The following PIWIL2 variants were observed in gnomAD, a reference collection of about 807,000 sequenced individuals.
PIWIL2 encodes the protein piwi-like protein 2.
A neutral mutation model predicts 116.5 loss-of-function variants in PIWIL2; 81 were observed. The ratio of observed to expected loss-of-function variants is 0.70; its 90% CI spans 0.58 to 0.84. The LOEUF (loss-of-function observed/expected upper bound fraction) is 0.84. PIWIL2 is among the 40% of genes least tolerant of loss of function. PIWIL2 has a pLI of 0.00. For missense variants in PIWIL2, 1,272 were observed against 1,212.3 expected (o/e 1.05, Z -0.73); for synonymous variants, 489 against 429.5 (o/e 1.14, Z -1.71).
chr8:22,306,263 G>A (rs532097641), intron 13 of PIWIL2, among the ~76,000 whole-genome samples: 15 of 152,008 alleles, frequency 9.9e-5, no homozygotes, highest in African/African-American at 3.6e-4. Context: ...AGAGGGACTG[G>A]ATTATAAAAT....
intron 10 of PIWIL2, 51 bp from the exon 11 acceptor site, chr8:22,303,970 A>T: frequency 8.4e-7 from 1 of 1,192,804 alleles, no homozygotes; most frequent in East Asian, 2.4e-5. Flanking sequence ...TCCCTTTCAT[A>T]CTGTTCTGGA....
rs1349218667 is a variant in PIWIL2 at position 22,281,478 on chromosome 8, G to T, written c.388G>T (p.Asp130Tyr). 1.9e-6 allele frequency: 3 copies of T among 1,598,834 alleles called. No homozygotes were observed. The African/African-American group carries it at 4.1e-5, about 22-fold the overall frequency. ...FWDPKVLAAG[D>Y]SKMAETSVGW... ...GGATCCAAAAGTGTTGGCGGCTGGGGACAGCAAGATGGCAGAGACCTCCGT... is the reference window on the plus strand; with the variant it reads ...GGATCCAAAAGTGTTGGCGGCTGGGTACAGCAAGATGGCAGAGACCTCCGT... Residue 130 changes from aspartate to tyrosine, a missense_variant, in exon 4 of 23, where the codon GAC (aspartate) becomes TAC (tyrosine). By Grantham distance (160) the Asp-to-Tyr change is radical (BLOSUM62 -3). Transcript: ENST00000356766.
chr8:22,319,564 G>C (rs1831546398), intron 20 of PIWIL2, among the ~76,000 whole-genome samples: 1 of 152,146 alleles, frequency 6.6e-6, no homozygotes, highest in South Asian at 2.1e-4. Flanking sequence ...TTGAACACTG[G>C]TTGTGGATGG....
In PIWIL2 at chr8:22,355,634, A is replaced by G. The variant is rs769406552; in HGVS notation, c.*129A>G. 3.8e-5 allele frequency: 30 copies of G among 780,730 alleles called. No individual in the cohort carries two copies. Among genetic ancestry groups the G allele is most frequent in the Middle Eastern group, 3.8e-4 (1 of 2,616 alleles). The allele number at this position is 780,730 out of a possible 1,614,324, so 48.4% of individuals were successfully genotyped here. A position where few individuals can be genotyped will look rare whatever the true frequency, so the allele number is the denominator to read the frequency against. On this transcript the variant is annotated 3_prime_UTR_variant, in exon 23 of 23. Transcript: ENST00000356766. ...TTTTCCCTTTCTCCAACCCTGTAGAATAAGATTTCTTTCTTGTCTTTTAAA... is the reference window on the plus strand; with the variant it reads ...TTTTCCCTTTCTCCAACCCTGTAGAGTAAGATTTCTTTCTTGTCTTTTAAA...
At position 22,279,423 on chromosome 8, in the gene PIWIL2, C is replaced by G. The variant is rs748407936; in HGVS notation, c.37C>G (p.Pro13Ala). ...PFRPSFRGQS[P>A]IHPSQCQAVR... ...CCGACCATCGTTCAGGGGCCAGTCT[C>G]CTATCCACCCATCCCAGTGCCAGGC... The change falls in exon 2 of 23, where the codon CCT becomes GCT. Residue 13 changes from proline (P) to alanine (A), a missense_variant. Coordinates refer to ENST00000356766, the MANE Select transcript of PIWIL2 (RefSeq NM_018068.5). 6.2e-7 allele frequency: 1 copy of G among 1,614,168 alleles called. No homozygotes were observed. Among genetic ancestry groups the G allele is most frequent in the Non-Finnish European group, 8.5e-7 (1 of 1,180,020 alleles).
chr8:22,327,628 A>G (rs530098934), intron 20 of PIWIL2, among the ~76,000 whole-genome samples: 3 of 152,254 alleles, frequency 2.0e-5, no homozygotes, highest in African/African-American at 7.2e-5. Context: ...TGGCCTCCCA[A>G]AGTGCTGGGA....
chr8:22,353,327 G>T lies in PIWIL2; in HGVS notation c.2657+115G>T. 1.2e-5 allele frequency: 11 copies of T among 908,314 alleles called. No individual in the cohort carries two copies. The South Asian group carries it at 1.9e-4, about 16-fold the overall frequency. 56.3% of individuals were successfully genotyped at this position (908,314 alleles called of 1,614,324 possible). On this transcript the variant is annotated intron_variant, in intron 21 of 22. Coordinates refer to ENST00000356766, the MANE Select transcript of PIWIL2 (RefSeq NM_018068.5). ...GAGTTGTGGACTAGAATCTCAGAGA[G>T]GCTACCGTTAAAAGAATGAAGGTTT...
intron 8 of PIWIL2, among the ~76,000 whole-genome samples, chr8:22,289,145 CTTTTT>C (rs1263159507): frequency 6.8e-6 from 1 of 146,378 alleles, no homozygotes; most frequent in Non-Finnish European, 1.5e-5. Flanking sequence ...CTTTTCTTTT[CTTTTT>C]TCTTTTTTTT....
chr8:22,318,014 G>A (rs1831505098), intron 19 of PIWIL2, among the ~76,000 whole-genome samples, 156 bp from the exon 20 acceptor site: 1 of 152,098 alleles, frequency 6.6e-6, no homozygotes, highest in Non-Finnish European at 1.5e-5. Context: ...TTTTCTCCAT[G>A]TCACTGCTTG....
chr8:22,294,537 AG>A (rs916059769), intron 10 of PIWIL2, among the ~76,000 whole-genome samples: 3 of 144,888 alleles, frequency 2.1e-5, no homozygotes, highest in African/African-American at 7.6e-5. Context: ...GCTACTCAGG[AG>A]GATGAGGCAG....
At chr8:22,295,087 A>G (rs974020024) in intron 10 of PIWIL2, among the ~76,000 whole-genome samples, 3 of 151,914 alleles carry the variant, frequency 2.0e-5, no homozygotes, top group African/African-American at 4.8e-5. Context: ...TGGGGGAAAA[A>G]AAAAATATTT....
intron 11 of PIWIL2, 39 bp from the exon 12 acceptor site, chr8:22,304,745 C>G (rs1476553509): frequency 8.4e-7 from 1 of 1,184,276 alleles, no homozygotes; most frequent in Non-Finnish European, 1.3e-6. Flanking sequence ...AGTATTGATG[C>G]TGCTTCTGAA....
chr8:22,336,791 G>A (rs999181486), intron 20 of PIWIL2, among the ~76,000 whole-genome samples: 15 of 152,058 alleles, frequency 9.9e-5, no homozygotes, highest in African/African-American at 3.6e-4. Context: ...ATGGAGACTA[G>A]AAAAACAATA....
chr8:22,319,763 C>T (rs1342893807), intron 20 of PIWIL2, among the ~76,000 whole-genome samples: 1 of 152,152 alleles, frequency 6.6e-6, no homozygotes, highest in African/African-American at 2.4e-5. Flanking sequence ...GAATGTTCCA[C>T]AAGACAGAGT....
Position 22,357,378 on chromosome 8 carries a change from G to A in PIWIL2, c.*1873G>A, listed in dbSNP as rs577506856. ...CAGTTTTCTGATTTTCCTTGGAAGCGTTTTGAATTTTTCTGTTGAAGTTGG... is the reference window on the plus strand; with the variant it reads ...CAGTTTTCTGATTTTCCTTGGAAGCATTTTGAATTTTTCTGTTGAAGTTGG... On this transcript the variant is annotated 3_prime_UTR_variant, in exon 23 of 23. Coordinates refer to ENST00000356766, the MANE Select transcript of PIWIL2 (RefSeq NM_018068.5). 2.6e-5 allele frequency: 4 copies of A among 152,224 alleles called. No homozygotes were observed. Among genetic ancestry groups the A allele is most frequent in the East Asian group, 3.9e-4 (2 of 5,180 alleles). The allele number at this position is 152,224 out of a possible 1,614,324, so 9.4% of individuals were successfully genotyped here.
At position 22,279,446 on chromosome 8, in the gene PIWIL2, G is replaced by C. The variant is rs760242997; in HGVS notation, c.60G>C (p.Gln20His). Residue 20 changes from glutamine to histidine, a missense_variant, in exon 2 of 23, where the codon CAG (glutamine) becomes CAC (histidine). Gln to His is a conservative substitution (Grantham distance 24). Coordinates refer to ENST00000356766, the MANE Select transcript of PIWIL2 (RefSeq NM_018068.5). Reference sequence around the variant, plus strand: ...CTCCTATCCACCCATCCCAGTGCCAGGCTGTACGGATGCCAGGCTGTTGGC... The same window carrying C: ...CTCCTATCCACCCATCCCAGTGCCACGCTGTACGGATGCCAGGCTGTTGGC... ...GQSPIHPSQC[Q>H]AVRMPGCWPQ... 5 of 1,614,168 alleles carry C rather than the reference G, an allele frequency of 3.1e-6. No homozygotes were observed. Among genetic ancestry groups the C allele is most frequent in the East Asian group, 2.2e-5 (1 of 44,884 alleles).
chr8:22,309,752 G>C (rs994342075), intron 14 of PIWIL2, among the ~76,000 whole-genome samples: 2 of 152,186 alleles, frequency 1.3e-5, no homozygotes, highest in Non-Finnish European at 2.9e-5. Context: ...TGAAAGACTA[G>C]TACCTATAAT....
chr8:22,334,519 C>CA (rs71544878), intron 20 of PIWIL2, among the ~76,000 whole-genome samples: 73,164 of 131,970 alleles, frequency 0.55, 21,617 homozygotes, highest in East Asian at 0.81. Context: ...GAGTCCGTCT[C>CA]AAAAAAAAAA....
At chr8:22,325,635 C>T (rs922362868) in intron 20 of PIWIL2, among the ~76,000 whole-genome samples, 1 of 151,826 alleles carries the variant, frequency 6.6e-6, no homozygotes, top group Admixed American at 6.6e-5. Context: ...AAGCGTGCGC[C>T]ACCACACCCA....
Sources: allele counts gnomAD v4.1 joint callset (sites outside exome capture counted in the v4.1 genomes callset), GRCh38; gene constraint gnomAD v4.1.1; transcripts MANE v1.5; gene names NCBI Gene and HGNC (gene_info 2026-07-23, HGNC 2026-07-21).